MED17: variants seen among roughly 807,000 people sequenced by gnomAD.
MED17 encodes the protein mediator of RNA polymerase II transcription subunit 17.
MED17 carries 49 observed loss-of-function variants against 80.8 expected under a neutral mutation model. The ratio of observed to expected loss-of-function variants is 0.61; its 90% CI spans 0.48 to 0.77. MED17 has a LOEUF of 0.77. Among genes scored for constraint, MED17 ranks in the 30% least tolerant of loss-of-function variants. The probability of loss-of-function intolerance (pLI) is 0.00; values close to 1 mark genes in which losing one functional copy is unlikely to be tolerated. For missense variants in MED17, 718 were observed against 787.0 expected (o/e 0.91, Z 1.05); for synonymous variants, 281 against 280.4 (o/e 1.00, Z -0.02).
Position 93,784,922 on chromosome 11 carries a change from C to T in MED17, c.250+159C>T, listed in dbSNP as rs537528616. ...ATACTTGGTCGTCATCTTTTTGTTGCTGCCGGACAAGGTAGGACACGACTT... is the reference window on the plus strand; with the variant it reads ...ATACTTGGTCGTCATCTTTTTGTTGTTGCCGGACAAGGTAGGACACGACTT... On this transcript the variant is annotated intron_variant, in intron 1 of 11. Transcript: ENST00000251871. The T allele has an allele frequency of 2.7e-6, 3 of 1,100,060 alleles. No homozygotes were observed. The African/African-American group carries it at 4.7e-5, about 17-fold the overall frequency. 68.1% of individuals were successfully genotyped at this position (1,100,060 alleles called of 1,614,324 possible). A position where few individuals can be genotyped will look rare whatever the true frequency, so the allele number is the denominator to read the frequency against.
chr11:93,814,156 A>G lies in MED17; in HGVS notation c.*2092A>G, dbSNP rs1944111528. ...CAGATACTACCGTCTGTTCTTTTAAACCCCATCTGAGTAGAGTGGGATAAC... is the reference window on the plus strand; with the variant it reads ...CAGATACTACCGTCTGTTCTTTTAAGCCCCATCTGAGTAGAGTGGGATAAC... On this transcript the variant is annotated 3_prime_UTR_variant, in exon 12 of 12. Transcript: ENST00000251871. 1 of 151,934 alleles carries G rather than the reference A, an allele frequency of 6.6e-6. No homozygotes were observed. Among genetic ancestry groups the G allele is most frequent in the African/African-American group, 2.4e-5 (1 of 41,334 alleles). 9.4% of individuals were successfully genotyped at this position (151,934 alleles called of 1,614,324 possible).
At position 93,790,737 on chromosome 11, in the gene MED17, G is replaced by T. The variant is rs771809447; in HGVS notation, c.581G>T (p.Trp194Leu). 1.9e-6 allele frequency: 3 copies of T among 1,614,174 alleles called. No homozygotes were observed. The highest frequency in any genetic ancestry group is 2.2e-5 in the South Asian group (2 of 91,078). The change falls in exon 3 of 12, where the codon TGG becomes TTG. Residue 194 changes from tryptophan to leucine, a missense_variant. Trp to Leu is a moderately conservative substitution (Grantham distance 61). Coordinates refer to ENST00000251871, the MANE Select transcript of MED17 (RefSeq NM_004268.5). The part of the protein sequence containing the change: ...NSELLRLRQH[W>L]KLRKVGDKIL... Reference sequence around the variant, plus strand: ...GAGCTTTTGCGATTACGGCAACACTGGAAACTTCGAAAAGTTGGAGATAAA... The same window carrying T: ...GAGCTTTTGCGATTACGGCAACACTTGAAACTTCGAAAAGTTGGAGATAAA...
intron 6 of MED17, chr11:93,796,192 C>G (rs1274927786): frequency 4.0e-6 from 2 of 494,394 alleles, no homozygotes; most frequent in Non-Finnish European, 7.4e-6. Context: ...ACCTTGTGAT[C>G]CACCCACCTT....
Position 93,784,430 on chromosome 11 carries a change from C to T in MED17, c.-84C>T. 2 of 1,497,442 alleles carry T rather than the reference C, an allele frequency of 1.3e-6. No homozygotes were observed. The highest frequency in any genetic ancestry group is 2.2e-5 in the Admixed American group (1 of 45,840). 92.8% of individuals were successfully genotyped at this position (1,497,442 alleles called of 1,614,324 possible). A position where few individuals can be genotyped will look rare whatever the true frequency, so the allele number is the denominator to read the frequency against. On this transcript the variant is annotated 5_prime_UTR_variant, in exon 1 of 12. Transcript: ENST00000251871. Reference sequence around the variant, plus strand: ...CCGCGGCTGCGGGCTTCTGAGTTCCCGGCTCTCCGCAGGGAAGCCTCCTCT... The same window carrying T: ...CCGCGGCTGCGGGCTTCTGAGTTCCTGGCTCTCCGCAGGGAAGCCTCCTCT...
At chr11:93,800,687 A>G (rs544906554) in intron 8 of MED17, 1 of 151,892 alleles carries the variant, frequency 6.6e-6, no homozygotes, top group African/African-American at 2.4e-5. Context: ...ACTGGAGTGC[A>G]GTGCAGTGGT....
At chr11:93,787,929 C>T in intron 1 of MED17, 72 bp from the exon 2 acceptor site, 1 of 1,273,110 alleles carries the variant, frequency 7.9e-7, no homozygotes, top group Non-Finnish European at 1.1e-6. Flanking sequence ...ACTTTTTAAA[C>T]CTAAGTGAGC....
At chr11:93,803,530 G>T (rs995185371) in intron 9 of MED17, among the ~76,000 whole-genome samples, 1 of 152,118 alleles carries the variant, frequency 6.6e-6, no homozygotes, top group Admixed American at 6.6e-5. Flanking sequence ...GAGAAAGTAG[G>T]TGTTAAACAT....
In MED17 at chr11:93,812,164, G is replaced by T; in HGVS notation, c.*100G>T. 3 of 1,005,690 alleles carry T rather than the reference G, an allele frequency of 3.0e-6. No individual in the cohort carries two copies. Among genetic ancestry groups the T allele is most frequent in the Non-Finnish European group, 4.6e-6 (3 of 648,990 alleles). The allele number at this position is 1,005,690 out of a possible 1,614,324, so 62.3% of individuals were successfully genotyped here. On this transcript the variant is annotated 3_prime_UTR_variant, in exon 12 of 12. Coordinates refer to ENST00000251871, the MANE Select transcript of MED17 (RefSeq NM_004268.5). ...AAGAAGAGATAACTTCCAAAAGAGT[G>T]CTGTTTTTAAAAATAATAATTAGGA...
Position 93,796,473 on chromosome 11 carries a change from C to T in MED17, c.1076C>T (p.Thr359Ile). The T allele has an allele frequency of 1.2e-6, 2 of 1,613,770 alleles. No individual in the cohort carries two copies. The highest frequency in any genetic ancestry group is 1.7e-6 in the Non-Finnish European group (2 of 1,179,730). Residue 359 changes from threonine (T) to isoleucine (I), a missense_variant, in exon 7 of 12, where the codon ACT becomes ATT. Thr to Ile is a moderately conservative substitution (Grantham distance 89). Transcript: ENST00000251871. ...GATAAGAAATCCCAAAAATTTGCTA[C>T]TGAGAAGCAATGTCCGGAGGACCAC... ...SNDKKSQKFATEKQCPEDHLY... is the reference protein window; with the variant it reads ...SNDKKSQKFAIEKQCPEDHLY...
intron 8 of MED17, among the ~76,000 whole-genome samples, chr11:93,800,342 G>A (rs1943948894): frequency 6.6e-6 from 1 of 151,586 alleles, no homozygotes; most frequent in South Asian, 2.1e-4. Context: ...TTAATTTTGA[G>A]GTGAGGCGTG....
intron 2 of MED17, chr11:93,790,359 A>C: frequency 1.7e-6 from 1 of 591,364 alleles, no homozygotes; most frequent in Non-Finnish European, 3.1e-6. Context: ...TTCTGAGTAG[A>C]GGCCATTGTA....
intron 8 of MED17, among the ~76,000 whole-genome samples, chr11:93,798,358 T>A (rs1053642107): frequency 6.6e-6 from 1 of 152,224 alleles, no homozygotes; most frequent in African/African-American, 2.4e-5. Context: ...TTTTCTATTT[T>A]ATTATTGGTA....
In MED17 at chr11:93,807,682, C is replaced by T. The variant is rs1944041074; in HGVS notation, c.1584+47C>T. On this transcript the variant is annotated intron_variant, in intron 10 of 11. Coordinates refer to ENST00000251871, the MANE Select transcript of MED17 (RefSeq NM_004268.5). ...TTAAGCCCCCTTCTTCGCATAGCTA[C>T]TTAAAGAACAAATTGGTTAAAAAGT... 4 of 1,079,986 alleles carry T rather than the reference C, an allele frequency of 3.7e-6. No individual in the cohort carries two copies. The South Asian group carries it at 3.7e-5, about 10-fold the overall frequency. The allele number at this position is 1,079,986 out of a possible 1,614,324, so 66.9% of individuals were successfully genotyped here. A position where few individuals can be genotyped will look rare whatever the true frequency, so the allele number is the denominator to read the frequency against.
chr11:93,795,648 C>T (rs1943891804), intron 6 of MED17: 1 of 153,298 alleles, frequency 6.5e-6, no homozygotes, highest in African/African-American at 2.4e-5. Context: ...GGTAGACTTG[C>T]CCTGGAGATC....
chr11:93,784,804 C>T, intron 1 of MED17, 41 bp downstream of exon 1: 2 of 1,532,562 alleles, frequency 1.3e-6, no homozygotes, highest in Non-Finnish European at 1.7e-6. Context: ...CGGTCTGGGT[C>T]CCAGCACCCG....
intron 6 of MED17, chr11:93,796,120 T>C (rs1943898013): frequency 2.8e-6 from 1 of 358,626 alleles, no homozygotes; most frequent in Non-Finnish European, 5.4e-6. Context: ...CAGCTAATTT[T>C]TTTTGTGTTT....
Position 93,812,248 on chromosome 11 carries a change from CAGA to C in MED17, c.*187_*189del, listed in dbSNP as rs1448896767. On this transcript the variant is annotated 3_prime_UTR_variant, in exon 12 of 12. Coordinates refer to ENST00000251871, the MANE Select transcript of MED17 (RefSeq NM_004268.5). ...TATAAATGACAAGTGCTTTGAAATG[CAGA>C]AGTTTATGTACAGTTGTATATACAG... 1.6e-5 allele frequency: 10 copies of C among 639,960 alleles called. No homozygotes were observed. Among genetic ancestry groups the C allele is most frequent in the South Asian group, 1.1e-4 (6 of 52,778 alleles). The allele number at this position is 639,960 out of a possible 1,614,324, so 39.6% of individuals were successfully genotyped here.
chr11:93,795,951 T>G (rs1432633526), intron 6 of MED17: 1 of 160,198 alleles, frequency 6.2e-6, no homozygotes, highest in African/African-American at 2.5e-5. Context: ...CATGAATAGT[T>G]TTTTTTTTTT....
chr11:93,794,068 C>A, intron 5 of MED17, 33 bp downstream of exon 5: 3 of 1,512,340 alleles, frequency 2.0e-6, no homozygotes, highest in Non-Finnish European at 2.8e-6. Flanking sequence ...AATTTCTGGT[C>A]TTATTTGAGC....
Sources: allele counts gnomAD v4.1 joint callset (sites outside exome capture counted in the v4.1 genomes callset), GRCh38; gene constraint gnomAD v4.1.1; transcripts MANE v1.5; gene names NCBI Gene and HGNC (gene_info 2026-07-23, HGNC 2026-07-21).